Variants in SLC25A29 observed in about 807,000 individuals in gnomAD.
The protein encoded by SLC25A29 is mitochondrial basic amino acids transporter.
In SLC25A29, 13 loss-of-function variants were observed where a neutral mutation model predicts 10.0. That is an observed-to-expected ratio of 1.30 (90% confidence interval 0.85 to 2.07). The LOEUF is 2.07. Among genes scored for constraint, SLC25A29 ranks in the 30% most tolerant of loss-of-function variants. The probability of loss-of-function intolerance (pLI) is 0.00; values close to 1 mark genes in which losing one functional copy is unlikely to be tolerated. For missense variants in SLC25A29, 475 were observed against 447.6 expected (o/e 1.06, Z -0.55); for synonymous variants, 244 against 221.1 (o/e 1.10, Z -0.92).
At chr14:100,301,895 C>T (rs1473634865) in intron 1 of SLC25A29, among the ~76,000 whole-genome samples, 1 of 152,048 alleles carries the variant, frequency 6.6e-6, no homozygotes, top group African/African-American at 2.4e-5. Flanking sequence ...TTCTGCCCCA[C>T]CCACCCCAGT....
At chr14:100,296,524 TTC>T (rs1020910801) in intron 2 of SLC25A29, 8 of 160,094 alleles carry the variant, frequency 5.0e-5, no homozygotes, top group African/African-American at 9.6e-5. Flanking sequence ...GCTGGCCATG[TTC>T]TGTTTCTCCT....
chr14:100,292,422 G>T lies in SLC25A29; in HGVS notation c.773C>A (p.Ala258Asp). Residue 258 changes from alanine to aspartate, a missense_variant, in exon 4 of 4, where the codon GCC becomes GAC. Coordinates refer to ENST00000359232, the MANE Select transcript of SLC25A29 (RefSeq NM_001039355.3). ...TRGLASTLLR[A>D]FPVNAATFAT... is the part of the protein sequence containing the mutation. ...GAAGGTGGCAGCGTTGACGGGGAAG[G>T]CGCGCAGCAGCGTGGACGCCAGCCC... 6.3e-7 allele frequency: 1 copy of T among 1,577,722 alleles called. No individual in the cohort carries two copies.
At chr14:100,283,536 T>C in the SLC25A29 span, among the ~76,000 whole-genome samples, 2,145 of 149,252 alleles carry the variant, frequency 0.014, 48 homozygotes, top group African/African-American at 0.051. Flanking sequence ...CAGGCTGGAG[T>C]GCAGTGGCGC....
the SLC25A29 span, chr14:100,280,080 A>C: frequency 1.3e-5 from 2 of 152,260 alleles, no homozygotes; most frequent in African/African-American, 4.8e-5. Context: ...GGTTCCAAGA[A>C]AACAAGTTCC....
At position 100,292,165 on chromosome 14, in the gene SLC25A29, G is replaced by C. The variant is rs11557208; in HGVS notation, c.*118C>G. ...AGCTGATCAGCAAAATTCAGCCCAC[G>C]TCTGATAGACTCCACAGCTCGCAGC... On this transcript the variant is annotated 3_prime_UTR_variant, in exon 4 of 4. Transcript: ENST00000359232. 7.3e-7 allele frequency: 1 copy of C among 1,365,528 alleles called. No homozygotes were observed. The highest frequency in any genetic ancestry group is 1.0e-6 in the Non-Finnish European group (1 of 998,464). The allele number at this position is 1,365,528 out of a possible 1,614,324, so 84.6% of individuals were successfully genotyped here.
chr14:100,303,880 C>A (rs1399447186), intron 1 of SLC25A29, among the ~76,000 whole-genome samples: 1 of 152,110 alleles, frequency 6.6e-6, no homozygotes, highest in African/African-American at 2.4e-5. Context: ...CCTCTCCTCC[C>A]GGGTTCTCCC....
intron 1 of SLC25A29, among the ~76,000 whole-genome samples, chr14:100,302,362 C>CTT (rs74643943): frequency 3.7e-5 from 5 of 134,050 alleles, no homozygotes; most frequent in Admixed American, 7.5e-5. Flanking sequence ...CTATTTCTTT[C>CTT]TTTTTTTTTT....
In SLC25A29 at chr14:100,292,210, C is replaced by A. The variant is rs955393528; in HGVS notation, c.*73G>T. On this transcript the variant is annotated 3_prime_UTR_variant, in exon 4 of 4. Coordinates refer to ENST00000359232, the MANE Select transcript of SLC25A29 (RefSeq NM_001039355.3). The stretch of plus-strand genomic sequence containing the variant: ...CGCAGCATCCCAGCAGGAAGCAGGG[C>A]AATCGACTCAGGGGCCAATTTATGT... 3 of 1,507,370 alleles carry A rather than the reference C, an allele frequency of 2.0e-6. No individual in the cohort carries two copies. The highest frequency in any genetic ancestry group is 2.7e-6 in the Non-Finnish European group (3 of 1,124,252). 93.4% of individuals were successfully genotyped at this position (1,507,370 alleles called of 1,614,324 possible). A position where few individuals can be genotyped will look rare whatever the true frequency, so the allele number is the denominator to read the frequency against.
chr14:100,279,553 A>T, the SLC25A29 span: 10 of 152,280 alleles, frequency 6.6e-5, no homozygotes, highest in African/African-American at 2.4e-4. Context: ...TTTTCTGGGT[A>T]AGCCAGGCTT....
chr14:100,298,895 G>A lies in SLC25A29; in HGVS notation c.35-10C>T, dbSNP rs1273918387. 5 of 1,614,104 alleles carry A rather than the reference G, an allele frequency of 3.1e-6. No individual in the cohort carries two copies. The highest frequency in any genetic ancestry group is 3.4e-6 in the Non-Finnish European group (4 of 1,180,038). The stretch of plus-strand genomic sequence containing the variant: ...AGCACGCCTGCCACACCTGGAGGAG[G>A]AGAGGGGGACTTGTGACCCACATAC... On this transcript the variant is annotated splice_polypyrimidine_tract_variant and intron_variant, in intron 1 of 3. Coordinates refer to ENST00000359232, the MANE Select transcript of SLC25A29 (RefSeq NM_001039355.3).
chr14:100,286,402 C>A (rs1891542914), downstream of SLC25A29, among the ~76,000 whole-genome samples: 1 of 149,384 alleles, frequency 6.7e-6, no homozygotes, highest in Non-Finnish European at 1.5e-5. Context: ...TGAACTTACT[C>A]ATTCACCCAA....
rs756954572 is a variant in SLC25A29, at chr14:100,292,363, C to T, written c.832G>A (p.Gly278Ser). 6 of 1,511,390 alleles carry T rather than the reference C, an allele frequency of 4.0e-6. No homozygotes were observed. In the African/African-American group the frequency reaches 5.6e-5, roughly 14 times the overall value. The allele number at this position is 1,511,390 out of a possible 1,614,324, so 93.6% of individuals were successfully genotyped here. The change falls in exon 4 of 4, where the codon GGC becomes AGC. Residue 278 changes from glycine to serine, a missense_variant. Physicochemically the swap from Gly to Ser is moderately conservative, Grantham distance 56. Coordinates refer to ENST00000359232, the MANE Select transcript of SLC25A29 (RefSeq NM_001039355.3). ...TVTVVLTYAR[G>S]EEAGPEGEAV... ...TCGCCCTCGGGCCCGGCCTCCTCGC[C>T]GCGCGCGTAGGTGAGCACCACCGTG...
At chr14:100,303,042 G>C (rs927122960) in intron 1 of SLC25A29, among the ~76,000 whole-genome samples, 2 of 152,122 alleles carry the variant, frequency 1.3e-5, no homozygotes, top group Admixed American at 6.5e-5. Flanking sequence ...AACATTCACA[G>C]GTGAATGAAG....
chr14:100,296,029 A>G (rs2139713343), intron 2 of SLC25A29: 1 of 1,286,516 alleles, frequency 7.8e-7, no homozygotes, highest in East Asian at 5.6e-5. Flanking sequence ...CAGCCATGAG[A>G]TAGTCTGTGG....
intron 2 of SLC25A29, chr14:100,294,910 C>CCAA (rs1892034240): frequency 6.6e-6 from 1 of 152,196 alleles, no homozygotes; most frequent in Admixed American, 6.5e-5. Flanking sequence ...CAGTTCTTGG[C>CCAA]CAACACCTTG....
In SLC25A29 at chr14:100,292,460, G is replaced by A. The variant is rs1248065451; in HGVS notation, c.735C>T (p.Arg245=). 8 of 1,580,164 alleles carry A rather than the reference G, an allele frequency of 5.1e-6. No homozygotes were observed. Among genetic ancestry groups the A allele is most frequent in the East Asian group, 2.3e-5 (1 of 43,224 alleles). Residue 245 remains arginine, a synonymous_variant, in exon 4 of 4, where the codon CGC becomes CGT. Transcript: ENST00000359232. The part of the protein sequence containing the change: ...VHQSYRAEGW[R]VFTRGLASTL... ...TGGACGCCAGCCCCCGTGTGAAGAC[G>A]CGCCAGCCCTCGGCGCGGTAGCTCT...
chr14:100,285,591 C>T, the SLC25A29 span, among the ~76,000 whole-genome samples: 1 of 152,068 alleles, frequency 6.6e-6, no homozygotes, highest in Non-Finnish European at 1.5e-5. Context: ...TACGAGCGTC[C>T]CCCGCGCGGA....
chr14:100,288,024 A>G (rs1174538409), downstream of SLC25A29, among the ~76,000 whole-genome samples: 1 of 152,166 alleles, frequency 6.6e-6, no homozygotes, highest in African/African-American at 2.4e-5. Context: ...GGTGTGCCAC[A>G]GTGTGTTTTA....
At chr14:100,299,319 G>T in intron 1 of SLC25A29, 5 of 1,027,228 alleles carry the variant, frequency 4.9e-6, no homozygotes, top group Non-Finnish European at 4.7e-6. Flanking sequence ...TCCCCCTGCC[G>T]CTCATCAGCC....
Sources: gnomAD v4.1 joint callset for allele counts (sites outside exome capture counted in the v4.1 genomes callset) on GRCh38, gnomAD v4.1.1 for gene constraint, MANE v1.5 for transcripts, NCBI Gene and HGNC (gene_info 2026-07-23, HGNC 2026-07-21) for gene names.